PARD3: variants seen among roughly 807,000 people sequenced by gnomAD.
The protein encoded by PARD3 is partitioning defective 3 homolog.
Under a neutral mutation model 155.4 loss-of-function variants are expected in PARD3, and 75 were observed. The ratio of observed to expected loss-of-function variants is 0.48; its 90% confidence interval spans 0.40 to 0.58. The LOEUF (loss-of-function observed/expected upper bound fraction) is 0.58, where lower values mean the gene tolerates loss of function less well. Among genes scored for constraint, PARD3 ranks in the 20% least tolerant of loss-of-function variants. The probability of loss-of-function intolerance (pLI) is 0.00; values close to 1 mark genes in which losing one functional copy is unlikely to be tolerated. For missense variants in PARD3, 1,642 were observed against 1,721.7 expected (o/e 0.95, Z 0.82); for synonymous variants, 576 against 610.5 (o/e 0.94, Z 0.83).
At chr10:34,635,041 G>T (rs1424226267) in intron 2 of PARD3, among the ~76,000 whole-genome samples, 1 of 152,232 alleles carries the variant, frequency 6.6e-6, no homozygotes. Context: ...CACCCAGATG[G>T]CATCACGATG....
chr10:34,365,439 T>C (rs1839866489), intron 12 of PARD3, among the ~76,000 whole-genome samples: 1 of 152,248 alleles, frequency 6.6e-6, no homozygotes, highest in Non-Finnish European at 1.5e-5. Context: ...TGAATTAATG[T>C]CTGCCTTCAA....
intron 1 of PARD3, among the ~76,000 whole-genome samples, chr10:34,785,451 A>T (rs1425901526): frequency 6.6e-6 from 1 of 150,928 alleles, no homozygotes; most frequent in Non-Finnish European, 1.5e-5. Context: ...TTTTTTTTTT[A>T]GAAAGAAAAA....
intron 1 of PARD3, among the ~76,000 whole-genome samples, chr10:34,791,840 G>A (rs575306252): frequency 6.6e-4 from 97 of 147,558 alleles, no homozygotes; most frequent in African/African-American, 2.4e-3. Flanking sequence ...ACCCTGCCTC[G>A]TTTAAAAAAA....
intron 3 of PARD3, among the ~76,000 whole-genome samples, chr10:34,505,830 A>C (rs1589811121): frequency 6.6e-6 from 1 of 152,326 alleles, no homozygotes; most frequent in African/African-American, 2.4e-5. Flanking sequence ...GCTTAAAGAC[A>C]ACTTAGAAAT....
At chr10:34,667,827 A>T (rs74403089) in intron 2 of PARD3, among the ~76,000 whole-genome samples, 2 of 152,240 alleles carry the variant, frequency 1.3e-5, no homozygotes, top group Non-Finnish European at 2.9e-5. Flanking sequence ...TATTGTGATG[A>T]CATTATTAAG....
At chr10:34,168,617 C>A (rs1325530707) in intron 22 of PARD3, among the ~76,000 whole-genome samples, 1 of 152,154 alleles carries the variant, frequency 6.6e-6, no homozygotes, top group East Asian at 1.9e-4. Flanking sequence ...TATGTCCTGA[C>A]AGGCCCTCCC....
At chr10:34,396,799 C>A (rs1843391170) in intron 7 of PARD3, among the ~76,000 whole-genome samples, 1 of 151,980 alleles carries the variant, frequency 6.6e-6, no homozygotes, top group South Asian at 2.1e-4. Context: ...CACTTAATTT[C>A]TTCCTTCCTG....
intron 22 of PARD3, among the ~76,000 whole-genome samples, chr10:34,201,525 G>T (rs1042542788): frequency 3.9e-5 from 6 of 152,184 alleles, no homozygotes; most frequent in Non-Finnish European, 8.8e-5. Flanking sequence ...GCTTTGGAGA[G>T]AGAAGTTTCA....
intron 22 of PARD3, among the ~76,000 whole-genome samples, chr10:34,182,170 T>C (rs1206427519): frequency 6.6e-6 from 1 of 152,178 alleles, no homozygotes; most frequent in Non-Finnish European, 1.5e-5. Context: ...GCTGGATTGA[T>C]GGTCCACAGA....
chr10:34,691,551 T>A (rs1416493923), intron 2 of PARD3, among the ~76,000 whole-genome samples: 1 of 152,062 alleles, frequency 6.6e-6, no homozygotes, highest in Non-Finnish European at 1.5e-5. Flanking sequence ...GCTACCCCTA[T>A]CAAACTATAC....
intron 1 of PARD3, among the ~76,000 whole-genome samples, chr10:34,794,898 T>C (rs1437768982): frequency 1.3e-5 from 2 of 152,240 alleles, no homozygotes; most frequent in Non-Finnish European, 2.9e-5. Flanking sequence ...TATGCGCACA[T>C]ACACACGTAT....
At chr10:34,411,312 G>A (rs1845026417) in intron 5 of PARD3, among the ~76,000 whole-genome samples, 3 of 152,184 alleles carry the variant, frequency 2.0e-5, no homozygotes, top group Admixed American at 2.0e-4. Flanking sequence ...ATGTCAACTT[G>A]ACGGGGTCCC....
intron 16 of PARD3, among the ~76,000 whole-genome samples, chr10:34,340,446 T>C (rs760987058): frequency 6.6e-6 from 1 of 152,190 alleles, no homozygotes; most frequent in South Asian, 2.1e-4. Context: ...TTCCCTTCTA[T>C]GTTTAATCAA....
chr10:34,441,220 A>C (rs1210037533), intron 5 of PARD3, among the ~76,000 whole-genome samples: 2 of 152,196 alleles, frequency 1.3e-5, no homozygotes, highest in Non-Finnish European at 2.9e-5. Flanking sequence ...CCAATACTTG[A>C]GGGAGTTGTT....
intron 4 of PARD3, among the ~76,000 whole-genome samples, chr10:34,454,628 G>A (rs962341384): frequency 1.3e-5 from 2 of 151,922 alleles, no homozygotes; most frequent in Non-Finnish European, 2.9e-5. Context: ...AAAAAAAAAT[G>A]CCATAAGAAA....
intron 2 of PARD3, among the ~76,000 whole-genome samples, chr10:34,585,539 TTTTC>T (rs927993154): frequency 1.4e-4 from 19 of 139,854 alleles, no homozygotes; most frequent in African/African-American, 3.4e-4. Context: ...TTTTTTTTCT[TTTTC>T]TTTCTTTTTT....
At chr10:34,767,363 T>C (rs1403681687) in intron 1 of PARD3, among the ~76,000 whole-genome samples, 1 of 151,950 alleles carries the variant, frequency 6.6e-6, no homozygotes, top group Non-Finnish European at 1.5e-5. Context: ...ACCTGAGAAC[T>C]CGCCATGTTC....
chr10:34,648,987 T>C (rs918387900), intron 2 of PARD3, among the ~76,000 whole-genome samples: 13 of 152,164 alleles, frequency 8.5e-5, no homozygotes, highest in East Asian at 3.8e-4. Flanking sequence ...TGGAGCTACG[T>C]CTGCTAAGCA....
intron 3 of PARD3, among the ~76,000 whole-genome samples, chr10:34,491,634 T>A (rs532342345): frequency 2.0e-5 from 3 of 152,346 alleles, no homozygotes; most frequent in Non-Finnish European, 2.9e-5. Flanking sequence ...CAAATTTGTA[T>A]ACAAAACAGG....
Sources: gnomAD v4.1 joint callset for allele counts (sites outside exome capture counted in the v4.1 genomes callset) on GRCh38, gnomAD v4.1.1 for gene constraint, MANE v1.5 for transcripts, NCBI Gene and HGNC (gene_info 2026-07-23, HGNC 2026-07-21) for gene names.